The following GMDS variants were observed in gnomAD, a reference collection of about 807,000 sequenced individuals.
The protein encoded by GMDS is GDP-mannose 4,6 dehydratase.
In GMDS, 20 loss-of-function variants were observed where a neutral mutation model predicts 49.9. The ratio of observed to expected loss-of-function variants is 0.40; its 90% CI spans 0.28 to 0.58. The LOEUF (loss-of-function observed/expected upper bound fraction) is 0.58, where lower values mean the gene tolerates loss of function less well. Ranked by LOEUF, GMDS falls within the 20% of genes least tolerant of loss-of-function variation. GMDS has a pLI of 0.42. For synonymous variants in GMDS, 177 were observed against 178.6 expected (o/e 0.99, Z 0.07); for missense variants, 362 against 481.4 (o/e 0.75, Z 2.32).
chr6:1,995,741 C>A (rs559347458), intron 4 of GMDS, among the ~76,000 whole-genome samples: 2 of 152,316 alleles, frequency 1.3e-5, no homozygotes, highest in South Asian at 4.1e-4. Flanking sequence ...GCAAGCCAGT[C>A]CTATGGCTCA....
intron 4 of GMDS, among the ~76,000 whole-genome samples, chr6:2,068,891 C>T (rs919884079): frequency 1.2e-4 from 19 of 152,106 alleles, no homozygotes; most frequent in African/African-American, 1.9e-4. Context: ...ACCAATGACT[C>T]TCTTCACAGA....
chr6:2,112,832 C>G (rs891293578), intron 4 of GMDS, among the ~76,000 whole-genome samples: 3 of 152,136 alleles, frequency 2.0e-5, no homozygotes, highest in Admixed American at 6.5e-5. Flanking sequence ...AATTTCTTGA[C>G]TGCCATGGCA....
At chr6:1,705,807 A>C (rs1256128886) in intron 9 of GMDS, among the ~76,000 whole-genome samples, 1 of 152,134 alleles carries the variant, frequency 6.6e-6, no homozygotes, top group Non-Finnish European at 1.5e-5. Context: ...TAGCTTCAGG[A>C]GAGTTTGGGA....
intron 7 of GMDS, among the ~76,000 whole-genome samples, chr6:1,793,959 G>A (rs1769642505): frequency 1.3e-5 from 2 of 152,198 alleles, no homozygotes; most frequent in Non-Finnish European, 2.9e-5. Context: ...TGGAATGATG[G>A]AAAGGGCTTT....
chr6:1,910,153 A>T (rs1760978014), intron 7 of GMDS, among the ~76,000 whole-genome samples: 1 of 152,174 alleles, frequency 6.6e-6, no homozygotes, highest in Non-Finnish European at 1.5e-5. Context: ...TTATAGTGTA[A>T]TAATCACTGA....
intron 7 of GMDS, among the ~76,000 whole-genome samples, chr6:1,830,038 C>T (rs571747080): frequency 7.2e-5 from 11 of 152,172 alleles, no homozygotes; most frequent in East Asian, 1.9e-4. Flanking sequence ...TCTAGACTGC[C>T]GCTGTCCAAT....
intron 1 of GMDS, among the ~76,000 whole-genome samples, chr6:2,144,453 G>A (rs1487785523): frequency 6.6e-6 from 1 of 152,224 alleles, no homozygotes; most frequent in Non-Finnish European, 1.5e-5. Flanking sequence ...GCGGGGCAGG[G>A]TGAACAGGTT....
rs532686138 is a variant in GMDS, at chr6:2,189,005, G to T, written c.102+56316C>A. Among the ~76,000 whole-genome samples the T allele has an allele frequency of 3.3e-5, 5 of 152,294 alleles. No individual in the cohort carries two copies. The East Asian group carries it at 7.7e-4, about 24-fold the overall frequency. On this transcript the variant is annotated intron_variant, in intron 1 of 10. Transcript: ENST00000380815. Reference sequence around the variant, plus strand: ...AGCTAGAACACTTGGCTGAAGAGCTGAACTCAGTATCAGAAGGCTGCTCTA... The same window carrying T: ...AGCTAGAACACTTGGCTGAAGAGCTTAACTCAGTATCAGAAGGCTGCTCTA...
chr6:1,841,933 T>C (rs1443857960), intron 7 of GMDS, among the ~76,000 whole-genome samples: 2 of 152,238 alleles, frequency 1.3e-5, no homozygotes, highest in South Asian at 2.1e-4. Flanking sequence ...TTCCCACCAT[T>C]GTCTTAACCA....
At chr6:2,111,309 C>T (rs999248471) in intron 4 of GMDS, among the ~76,000 whole-genome samples, 5 of 152,200 alleles carry the variant, frequency 3.3e-5, no homozygotes, top group African/African-American at 1.2e-4. Flanking sequence ...ATGATGTCAT[C>T]ATGCTAGGTT....
chr6:2,100,551 A>G (rs1773861775), intron 4 of GMDS, among the ~76,000 whole-genome samples: 1 of 152,076 alleles, frequency 6.6e-6, no homozygotes, highest in African/African-American at 2.4e-5. Flanking sequence ...TAAATAAACT[A>G]CAGATTATTC....
At chr6:1,934,864 T>G (rs1762450774) in intron 6 of GMDS, among the ~76,000 whole-genome samples, 1 of 151,394 alleles carries the variant, frequency 6.6e-6, no homozygotes, top group South Asian at 2.1e-4. Flanking sequence ...AAGTGAGAGG[T>G]GAAGAAAGAG....
At chr6:1,925,351 T>C (rs1307306135) in intron 7 of GMDS, among the ~76,000 whole-genome samples, 1 of 152,212 alleles carries the variant, frequency 6.6e-6, no homozygotes, top group Non-Finnish European at 1.5e-5. Flanking sequence ...AGACTACAGA[T>C]GGATGAAAAT....
At chr6:1,788,030 C>T (rs1769390133) in intron 7 of GMDS, among the ~76,000 whole-genome samples, 1 of 152,120 alleles carries the variant, frequency 6.6e-6, no homozygotes, top group Admixed American at 6.5e-5. Context: ...TGGCAGGTTG[C>T]TCACCCTTGC....
intron 4 of GMDS, among the ~76,000 whole-genome samples, chr6:2,093,234 C>T (rs1773418608): frequency 6.6e-6 from 1 of 152,106 alleles, no homozygotes; most frequent in South Asian, 2.1e-4. Context: ...TAAAGAAAAA[C>T]AGGTCTACAA....
In GMDS at chr6:1,759,286, C is replaced by G. The variant is rs976375569; in HGVS notation, c.772-16700G>C. ...ACAGAATTTAATAGCTGGAAGGGGC[C>G]TTAGAGGTGTTGTCATTCAATTCCA... On this transcript the variant is annotated intron_variant, in intron 7 of 10. Coordinates refer to ENST00000380815, the MANE Select transcript of GMDS (RefSeq NM_001500.4). 2.6e-5 allele frequency among the ~76,000 whole-genome samples: 4 copies of G among 152,262 alleles called. No homozygotes were observed. The East Asian group carries it at 7.7e-4, about 29-fold the overall frequency.
At chr6:2,189,419 G>A (rs1226962525) in intron 1 of GMDS, among the ~76,000 whole-genome samples, 2 of 152,162 alleles carry the variant, frequency 1.3e-5, no homozygotes, top group Non-Finnish European at 2.9e-5. Flanking sequence ...TATGCGGAGG[G>A]TTAATTTTTC....
At chr6:1,991,702 G>C (rs1019484887) in intron 4 of GMDS, among the ~76,000 whole-genome samples, 5 of 152,162 alleles carry the variant, frequency 3.3e-5, no homozygotes, top group African/African-American at 1.2e-4. Context: ...ATGTTGCCTA[G>C]TGTGGGATTG....
chr6:1,693,557 C>G (rs543024448), intron 9 of GMDS, among the ~76,000 whole-genome samples: 1 of 152,284 alleles, frequency 6.6e-6, no homozygotes, highest in East Asian at 1.9e-4. Flanking sequence ...CCAGTGTGTA[C>G]TAAAAAACAT....
Sources: gnomAD v4.1 joint callset for allele counts (sites outside exome capture counted in the v4.1 genomes callset) on GRCh38, gnomAD v4.1.1 for gene constraint, MANE v1.5 for transcripts, NCBI Gene and HGNC (gene_info 2026-07-23, HGNC 2026-07-21) for gene names.